Variants in WDR76 observed in about 807,000 individuals in gnomAD.
WDR76 encodes WD repeat domain 76, also known as WD repeat-containing protein 76.
In WDR76, 52 loss-of-function variants were observed where a neutral mutation model predicts 70.2. That is an observed-to-expected ratio of 0.74 (90% CI 0.59 to 0.93). The LOEUF (loss-of-function observed/expected upper bound fraction) is 0.93, where lower values mean the gene tolerates loss of function less well. Ranked by LOEUF, WDR76 falls within the 40% of genes least tolerant of loss-of-function variation. The pLI is 0.00. For missense variants in WDR76, 756 were observed against 760.2 expected, an observed-to-expected ratio of 0.99 and a Z score of 0.07; for synonymous variants, 292 against 271.1, an observed-to-expected ratio of 1.08 and a Z score of -0.76.
In WDR76 at chr15:43,868,133, G is replaced by A. The variant is rs2088096567; in HGVS notation, c.*1741G>A. The stretch of plus-strand genomic sequence containing the variant: ...TTGATATAAGTAGAAGAATTGACAA[G>A]TGAGATGGAAATGTTAATTTATAAA... On this transcript the variant is annotated 3_prime_UTR_variant, in exon 13 of 13. Transcript: ENST00000263795. The A allele has an allele frequency of 6.6e-6, 1 of 152,170 alleles. No individual in the cohort carries two copies. Among genetic ancestry groups the A allele is most frequent in the Non-Finnish European group, 1.5e-5 (1 of 68,032 alleles). The allele number at this position is 152,170 out of a possible 1,614,324, so 9.4% of individuals were successfully genotyped here.
At chr15:43,852,539 T>C (rs777821471) in intron 9 of WDR76, among the ~76,000 whole-genome samples, 1 of 152,020 alleles carries the variant, frequency 6.6e-6, no homozygotes, top group Non-Finnish European at 1.5e-5. Flanking sequence ...GCCAAGCTAA[T>C]TTTTGTATTT....
intron 2 of WDR76, among the ~76,000 whole-genome samples, chr15:43,832,383 C>G (rs2087600143): frequency 1.3e-5 from 2 of 150,134 alleles, no homozygotes; most frequent in African/African-American, 4.9e-5. Flanking sequence ...GACGCTATCA[C>G]TTTAAAAAAA....
intron 8 of WDR76, 22 bp from the exon 9 acceptor site, chr15:43,851,065 C>T (rs761321242): frequency 1.9e-6 from 3 of 1,610,380 alleles, no homozygotes; most frequent in African/African-American, 2.7e-5. Context: ...TCTCTCTCCC[C>T]TTTCCCGCAA....
intron 8 of WDR76, among the ~76,000 whole-genome samples, chr15:43,850,267 TTTTTATTTTATTTTA>T (rs71421806): frequency 1.9e-3 from 284 of 148,394 alleles, no homozygotes; most frequent in African/African-American, 3.4e-3. Context: ...TGGTGTTATT[TTTTTATTTTATTTTA>T]TTTTATTTTA....
At chr15:43,840,177 A>G (rs2087707443) in intron 5 of WDR76, among the ~76,000 whole-genome samples, 1 of 152,032 alleles carries the variant, frequency 6.6e-6, no homozygotes, top group Non-Finnish European at 1.5e-5. Context: ...CGCTTTAATG[A>G]GTAAGATTTC....
rs761668590 is a variant in WDR76, at chr15:43,842,446, C to T, written c.764C>T (p.Thr255Ile). The T allele has an allele frequency of 5.5e-5, 88 of 1,613,880 alleles. No individual in the cohort carries two copies. Among genetic ancestry groups the T allele is most frequent in the Non-Finnish European group, 6.8e-5 (80 of 1,179,976 alleles). ...PLLPPGPLEM[T>I]SENQEDNNER... ...TTACCTCCTGGGCCTTTAGAAATGA[C>T]TTCTGAAAATCAAGAAGACAACAAT... Residue 255 changes from threonine (T) to isoleucine (I), a missense_variant, in exon 6 of 13, where the codon ACT (threonine) becomes ATT (isoleucine). Thr to Ile is a moderately conservative substitution (Grantham distance 89, BLOSUM62 -1). Coordinates refer to ENST00000263795, the MANE Select transcript of WDR76 (RefSeq NM_024908.4).
chr15:43,851,128 C>T lies in WDR76; in HGVS notation c.1074C>T (p.Pro358=). 1.9e-6 allele frequency: 3 copies of T among 1,614,174 alleles called. No individual in the cohort carries two copies. The highest frequency in any genetic ancestry group is 2.5e-6 in the Non-Finnish European group (3 of 1,180,036). ...PKEDGVYVFH[P]HSQPVSCLYF... is the part of the protein sequence containing the mutation. ...AAGATGGAGTTTATGTTTTTCATCCCCATAGTCAGCCAGTTAGCTGTCTTT... is the reference window on the plus strand; with the variant it reads ...AAGATGGAGTTTATGTTTTTCATCCTCATAGTCAGCCAGTTAGCTGTCTTT... The change falls in exon 9 of 13, where the codon CCC becomes CCT. Residue 358 remains proline (P), a synonymous_variant. Coordinates refer to ENST00000263795, the MANE Select transcript of WDR76 (RefSeq NM_024908.4).
At position 43,866,350 on chromosome 15, in the gene WDR76, C is replaced by T; in HGVS notation, c.1839C>T (p.Ser613=). ...GGTATATTTTGGCTGGAGGTAATTC[C>T]AGCGGGAAGATACATGTTTTTATGA... is the stretch of plus-strand genomic sequence containing the variant. The part of the protein sequence containing the change: ...PTRYILAGGN[S]SGKIHVFMNE... The change falls in exon 13 of 13, where the codon TCC becomes TCT. Residue 613 remains serine (S), a synonymous_variant. Transcript: ENST00000263795. 1 of 1,614,048 alleles carries T rather than the reference C, an allele frequency of 6.2e-7. No homozygotes were observed.
At chr15:43,847,870 A>G (rs960752123) in intron 8 of WDR76, among the ~76,000 whole-genome samples, 1 of 152,166 alleles carries the variant, frequency 6.6e-6, no homozygotes, top group Admixed American at 6.6e-5. Context: ...GTGGTTTTTA[A>G]TAAGTTTACT....
chr15:43,849,192 G>T (rs954909706), intron 8 of WDR76, among the ~76,000 whole-genome samples: 40 of 144,554 alleles, frequency 2.8e-4, no homozygotes, highest in African/African-American at 1.0e-3. Context: ...AAAAAAAAAA[G>T]ACTGTTGGAG....
chr15:43,829,263 A>G lies in WDR76; in HGVS notation c.462+897A>G, dbSNP rs552169698. On this transcript the variant is annotated intron_variant, in intron 2 of 12. Coordinates refer to ENST00000263795, the MANE Select transcript of WDR76 (RefSeq NM_024908.4). Reference sequence around the variant, plus strand: ...GCGCCGTGCTCCATTCAAAGTGACAAATTTTAACTGGACAAGATAAAACAT... The same window carrying G: ...GCGCCGTGCTCCATTCAAAGTGACAGATTTTAACTGGACAAGATAAAACAT... Among the ~76,000 whole-genome samples the G allele has an allele frequency of 4.6e-5, 7 of 152,216 alleles. No homozygotes were observed. The South Asian group carries it at 1.2e-3, about 27-fold the overall frequency.
In WDR76 at chr15:43,867,051, T is replaced by A. The variant is rs2088082554; in HGVS notation, c.*659T>A. The A allele has an allele frequency of 6.6e-6, 1 of 152,254 alleles. No homozygotes were observed. The highest frequency in any genetic ancestry group is 1.5e-5 in the Non-Finnish European group (1 of 68,060). 9.4% of individuals were successfully genotyped at this position (152,254 alleles called of 1,614,324 possible). A position where few individuals can be genotyped will look rare whatever the true frequency, so the allele number is the denominator to read the frequency against. On this transcript the variant is annotated 3_prime_UTR_variant, in exon 13 of 13. Transcript: ENST00000263795. ...TGATTCTATAGTAATTTGTGGCTTA[T>A]TTTATAGTTTATAATGAATACTTAT... is the stretch of plus-strand genomic sequence containing the variant.
intron 5 of WDR76, among the ~76,000 whole-genome samples, chr15:43,842,086 T>A (rs1326134754): frequency 6.6e-6 from 1 of 152,152 alleles, no homozygotes; most frequent in Non-Finnish European, 1.5e-5. Flanking sequence ...CAGGCTGGTC[T>A]CGAACTCCTG....
intron 9 of WDR76, among the ~76,000 whole-genome samples, chr15:43,853,381 G>C (rs1159869722): frequency 6.6e-6 from 1 of 151,342 alleles, no homozygotes; most frequent in Non-Finnish European, 1.5e-5. Flanking sequence ...AGTAGAGACG[G>C]TGTTTTGCCA....
chr15:43,857,454 A>G, intron 10 of WDR76: 1 of 985,370 alleles, frequency 1.0e-6, no homozygotes, highest in Middle Eastern at 5.2e-4. Flanking sequence ...TTTCACAGAA[A>G]AAAAAGTTAC....
chr15:43,837,906 C>T (rs867870957), intron 4 of WDR76, among the ~76,000 whole-genome samples: 20 of 146,136 alleles, frequency 1.4e-4, no homozygotes, highest in Non-Finnish European at 2.7e-4. Flanking sequence ...GATGGAGTCT[C>T]GCTCTGTTGC....
rs780924467 is a variant in WDR76, at chr15:43,851,138, C to A, written c.1084C>A (p.Pro362Thr). Residue 362 changes from proline (P) to threonine (T), a missense_variant, in exon 9 of 13, where the codon CCA becomes ACA. Coordinates refer to ENST00000263795, the MANE Select transcript of WDR76 (RefSeq NM_024908.4). The part of the protein sequence containing the change: ...GVYVFHPHSQ[P>T]VSCLYFSPAN... ...TTATGTTTTTCATCCCCATAGTCAG[C>A]CAGTTAGCTGTCTTTACTTCTCACC... 1 of 1,614,158 alleles carries A rather than the reference C, an allele frequency of 6.2e-7. No individual in the cohort carries two copies. The highest frequency in any genetic ancestry group is 8.5e-7 in the Non-Finnish European group (1 of 1,180,020).
intron 10 of WDR76, chr15:43,858,365 C>T: frequency 4.9e-6 from 1 of 205,558 alleles, no homozygotes; most frequent in Non-Finnish European, 9.7e-6. Flanking sequence ...AGCAATTCTC[C>T]TGCCTCAGCC....
chr15:43,835,847 G>A (rs2141727351), intron 3 of WDR76, among the ~76,000 whole-genome samples: 1 of 152,106 alleles, frequency 6.6e-6, no homozygotes, highest in Non-Finnish European at 1.5e-5. Context: ...AGTAGGAATG[G>A]GGTTTCACCA....
Sources: gnomAD v4.1 joint callset for allele counts (sites outside exome capture counted in the v4.1 genomes callset) on GRCh38, gnomAD v4.1.1 for gene constraint, MANE v1.5 for transcripts, NCBI Gene and HGNC (gene_info 2026-07-23, HGNC 2026-07-21) for gene names.